Variants in GRIK1 observed in about 807,000 individuals in gnomAD.
GRIK1 encodes the protein glutamate ionotropic receptor kainate type subunit 1.
In GRIK1, 69 loss-of-function variants were observed where a neutral mutation model predicts 105.7. The observed-to-expected ratio is 0.65, with a 90% CI of 0.54 to 0.80. GRIK1 has a LOEUF of 0.80. GRIK1 is among the 30% of genes least tolerant of loss of function. The probability of loss-of-function intolerance (pLI) is 0.00; values close to 1 mark genes in which losing one functional copy is unlikely to be tolerated. For synonymous variants in GRIK1, 438 were observed against 431.3 expected, an observed-to-expected ratio of 1.02 and a Z score of -0.19; for missense variants, 1,109 against 1,167.3, an observed-to-expected ratio of 0.95 and a Z score of 0.73.
At chr21:29,874,194 A>G (rs1032363436) in intron 1 of GRIK1, among the ~76,000 whole-genome samples, 2 of 152,258 alleles carry the variant, frequency 1.3e-5, no homozygotes, top group Admixed American at 1.3e-4. Flanking sequence ...ACTGAAAAAT[A>G]ATGGGTTTAC....
chr21:29,574,515 A>T (rs977714830), intron 14 of GRIK1, among the ~76,000 whole-genome samples: 5 of 152,162 alleles, frequency 3.3e-5, no homozygotes, highest in Non-Finnish European at 5.9e-5. Context: ...GACAAGGACC[A>T]TGATGAATCA....
In GRIK1 at chr21:29,855,371, A is replaced by G. The variant is rs116414422; in HGVS notation, c.118+84012T>C. 7.2e-3 allele frequency among the ~76,000 whole-genome samples: 1,099 copies of G among 152,362 alleles called. 13 individuals are homozygous for G. The highest frequency in any genetic ancestry group is 0.024 in the African/African-American group (1,001 of 41,586). On this transcript the variant is annotated intron_variant, in intron 1 of 17. Transcript: ENST00000327783. ...TCTGCAACTTCAGATGGCCAGCCAAAAATACCATCTTTAAAGAGTGATATT... is the reference window on the plus strand; with the variant it reads ...TCTGCAACTTCAGATGGCCAGCCAAGAATACCATCTTTAAAGAGTGATATT...
intron 1 of GRIK1, chr21:29,861,591 G>A: frequency 1.6e-5 from 6 of 377,516 alleles, no homozygotes; most frequent in Non-Finnish European, 2.6e-5. Flanking sequence ...ATAGGTGTGA[G>A]CCAACACGCC....
intron 1 of GRIK1, among the ~76,000 whole-genome samples, chr21:29,706,219 C>T (rs114496066): frequency 6.6e-6 from 1 of 152,222 alleles, no homozygotes; most frequent in African/African-American, 2.4e-5. Flanking sequence ...TTTAAAACAT[C>T]TCTGTATATT....
At chr21:29,721,330 TA>T (rs1265748013) in intron 1 of GRIK1, among the ~76,000 whole-genome samples, 2 of 152,114 alleles carry the variant, frequency 1.3e-5, no homozygotes, top group African/African-American at 4.8e-5. Flanking sequence ...AACCACATGA[TA>T]AAAGTCAAAG....
chr21:29,563,432 A>G (rs1400950186), intron 14 of GRIK1, among the ~76,000 whole-genome samples: 1 of 152,194 alleles, frequency 6.6e-6, no homozygotes, highest in African/African-American at 2.4e-5. Flanking sequence ...TTCAATAAAC[A>G]GTACCTTATA....
At chr21:29,887,183 T>C (rs2069660445) in intron 1 of GRIK1, among the ~76,000 whole-genome samples, 1 of 152,038 alleles carries the variant, frequency 6.6e-6, no homozygotes, top group Admixed American at 6.6e-5. Flanking sequence ...TGAGCTAGAG[T>C]GTTATGAGTT....
intron 1 of GRIK1, among the ~76,000 whole-genome samples, chr21:29,785,765 T>C (rs1200322854): frequency 1.3e-5 from 2 of 152,170 alleles, no homozygotes; most frequent in Admixed American, 1.3e-4. Flanking sequence ...AAACGTATTC[T>C]CTCACAGTTC....
intron 6 of GRIK1, among the ~76,000 whole-genome samples, chr21:29,648,127 A>C (rs1179985585): frequency 6.6e-6 from 1 of 152,196 alleles, no homozygotes; most frequent in Non-Finnish European, 1.5e-5. Flanking sequence ...AAAAATAGAC[A>C]ATTGAATGGG....
chr21:29,616,166 T>C (rs1420779807), intron 7 of GRIK1, among the ~76,000 whole-genome samples: 2 of 152,196 alleles, frequency 1.3e-5, no homozygotes, highest in African/African-American at 4.8e-5. Flanking sequence ...AGTTAGACTG[T>C]AGTGCTTAGA....
rs2071007327 is a variant in GRIK1, at chr21:29,916,578, T to C, written c.118+22805A>G. Among the ~76,000 whole-genome samples the C allele has an allele frequency of 3.3e-5, 5 of 151,886 alleles. No individual in the cohort carries two copies. In the South Asian group the frequency reaches 8.3e-4, roughly 25 times the overall value. On this transcript the variant is annotated intron_variant, in intron 1 of 17. Transcript: ENST00000327783. ...CTTGGAGGGAGGGAAAGAAAGATAA[T>C]AATCGATAATAAAAGAGTCTATTTA...
chr21:29,782,508 A>T (rs771215570), intron 1 of GRIK1, among the ~76,000 whole-genome samples: 26 of 151,970 alleles, frequency 1.7e-4, no homozygotes, highest in Non-Finnish European at 3.7e-4. Context: ...GGTGGTCAGC[A>T]CCCCCAAGAT....
At chr21:29,694,817 T>C (rs1276944699) in intron 1 of GRIK1, among the ~76,000 whole-genome samples, 2 of 152,128 alleles carry the variant, frequency 1.3e-5, no homozygotes, top group Non-Finnish European at 2.9e-5. Flanking sequence ...TCATGCAGAG[T>C]TGATGGGATC....
At chr21:29,872,445 T>G (rs76289960) in intron 1 of GRIK1, among the ~76,000 whole-genome samples, 14,150 of 152,154 alleles carry the variant, frequency 0.093, 825 homozygotes, top group African/African-American at 0.17. Context: ...CGCCCGCCTC[T>G]GCCTCCTGCT....
chr21:29,834,967 C>T (rs1366608640), intron 1 of GRIK1, among the ~76,000 whole-genome samples: 1 of 151,668 alleles, frequency 6.6e-6, no homozygotes, highest in Non-Finnish European at 1.5e-5. Flanking sequence ...GTCTTTAGCA[C>T]AGGTTTGGCT....
At chr21:29,542,031 G>A (rs1212467746) in intron 16 of GRIK1, among the ~76,000 whole-genome samples, 1 of 83,610 alleles carries the variant, frequency 1.2e-5, no homozygotes, top group African/African-American at 3.2e-5. Context: ...AAATAATGTA[G>A]AGTGTGTGTG....
chr21:29,709,968 CTTAAT>C (rs1177824076), intron 1 of GRIK1, among the ~76,000 whole-genome samples: 6 of 151,486 alleles, frequency 4.0e-5, no homozygotes, highest in African/African-American at 1.5e-4. Context: ...TTATTTTGTT[CTTAAT>C]TTAAATAGAA....
chr21:29,554,509 A>AT (rs1260035366), intron 16 of GRIK1, among the ~76,000 whole-genome samples: 3 of 152,122 alleles, frequency 2.0e-5, no homozygotes, highest in Non-Finnish European at 2.9e-5. Flanking sequence ...TTGCATTTTC[A>AT]TTTTGTATTG....
At chr21:29,809,597 T>G (rs1016011013) in intron 1 of GRIK1, among the ~76,000 whole-genome samples, 1 of 152,224 alleles carries the variant, frequency 6.6e-6, no homozygotes, top group African/African-American at 2.4e-5. Flanking sequence ...GCAATAAGGC[T>G]GTTTTGCTTT....
Sources: gnomAD v4.1 joint callset for allele counts (sites outside exome capture counted in the v4.1 genomes callset) on GRCh38, gnomAD v4.1.1 for gene constraint, MANE v1.5 for transcripts, NCBI Gene and HGNC (gene_info 2026-07-23, HGNC 2026-07-21) for gene names.